The following PBK variants were observed in gnomAD, a reference collection of about 807,000 sequenced individuals.
PBK encodes lymphokine-activated killer T-cell-originated protein kinase.
In PBK, 22 loss-of-function variants were observed where a neutral mutation model predicts 33.5. That is an observed-to-expected ratio of 0.66 (90% CI 0.47 to 0.94). The LOEUF (loss-of-function observed/expected upper bound fraction) is 0.94. Ranked by LOEUF, PBK falls within the 40% of genes least tolerant of loss-of-function variation. The pLI, the probability that PBK is intolerant of heterozygous loss-of-function variation, is 0.00. For missense variants in PBK, 376 were observed against 383.4 expected (o/e 0.98, Z 0.16); for synonymous variants, 129 against 123.8 (o/e 1.04, Z -0.28).
At chr8:27,812,581 G>T (rs1042036894) in intron 6 of PBK, 7 of 150,184 alleles carry the variant, frequency 4.7e-5, no homozygotes, top group African/African-American at 1.7e-4. Flanking sequence ...TCTGACAAAG[G>T]GCTAATATCC....
chr8:27,815,092 TACTGAAAGAAATTTCTCCAGA>T (rs1805784758), intron 6 of PBK, among the ~76,000 whole-genome samples: 1 of 152,216 alleles, frequency 6.6e-6, no homozygotes, highest in South Asian at 2.1e-4. Flanking sequence ...TGGGGCTGTT[TACTGAAAGAAATTTCTCCAGA>T]ACTGAAGGAA....
rs763861092 is a variant in PBK, at chr8:27,820,693, T to C, written c.467A>G (p.Tyr156Cys). Residue 156 changes from tyrosine to cysteine, a missense_variant and splice_region_variant, in exon 6 of 8, where the codon TAT (tyrosine) becomes TGT (cysteine). By Grantham distance (194) the Tyr-to-Cys change is radical (BLOSUM62 -2). Transcript: ENST00000301905. ...AAGCAGTTTCTTTTCTTGGTGCAGATACTAAAATAGTAAAAAATTTAACAC... is the reference window on the plus strand; with the variant it reads ...AAGCAGTTTCTTTTCTTGGTGCAGACACTAAAATAGTAAAAAATTTAACAC... ...VALNMARGLK[Y>C]LHQEKKLLHG... The C allele has an allele frequency of 1.3e-6, 2 of 1,530,362 alleles. No individual in the cohort carries two copies. The highest frequency in any genetic ancestry group is 1.8e-6 in the Non-Finnish European group (2 of 1,127,854). The allele number at this position is 1,530,362 out of a possible 1,614,324, so 94.8% of individuals were successfully genotyped here.
Position 27,811,052 on chromosome 8 carries a change from G to A in PBK, c.678C>T (p.Asp226=), listed in dbSNP as rs369509839. 223 of 1,611,794 alleles carry A rather than the reference G, an allele frequency of 1.4e-4. No homozygotes were observed. Among genetic ancestry groups the A allele is most frequent in the Non-Finnish European group, 1.8e-4 (209 of 1,178,040 alleles). The change falls in exon 7 of 8, where the codon GAC becomes GAT. Residue 226 remains aspartate (D), a synonymous_variant. Coordinates refer to ENST00000301905, the MANE Select transcript of PBK (RefSeq NM_018492.4). ...EAVEENGVIT[D]KADIFAFGLT... ...GGCCAAAGGCAAATATGTCTGCCTT[G>A]TCAGTAATAACACCATTCTCCTCCA... is the stretch of plus-strand genomic sequence containing the variant.
intron 6 of PBK, among the ~76,000 whole-genome samples, chr8:27,814,904 T>C (rs1449465995): frequency 6.6e-6 from 1 of 152,192 alleles, no homozygotes; most frequent in African/African-American, 2.4e-5. Flanking sequence ...TTACTTCTGC[T>C]ATAACTAGGA....
Position 27,813,753 on chromosome 8 carries a change from G to A in PBK, c.596-2619C>T, listed in dbSNP as rs77472164. On this transcript the variant is annotated intron_variant, in intron 6 of 7. Coordinates refer to ENST00000301905, the MANE Select transcript of PBK (RefSeq NM_018492.4). ...CTGGTGACCTAACGTACAGCATAGT[G>A]AGGACATTGATTCTTGAATGTTACA... Among the ~76,000 whole-genome samples, 1,409 of 152,284 alleles carry A rather than the reference G, an allele frequency of 9.3e-3. 25 individuals are homozygous for A. Among genetic ancestry groups the A allele is most frequent in the African/African-American group, 0.032 (1,343 of 41,564 alleles).
intron 6 of PBK, among the ~76,000 whole-genome samples, chr8:27,816,343 C>CATATATATATATATATATATATA (rs1554559819): frequency 2.2e-5 from 3 of 136,324 alleles, no homozygotes; most frequent in African/African-American, 8.8e-5. Flanking sequence ...TCATCGAATA[C>CATATATATATATATATATATATA]TATATATATA....
At chr8:27,829,229 T>C (rs74494270) in intron 2 of PBK, among the ~76,000 whole-genome samples, 8,351 of 152,212 alleles carry the variant, frequency 0.055, 332 homozygotes, top group Middle Eastern at 0.14. Flanking sequence ...AGGAAAGCAA[T>C]TGGCTCAACA....
chr8:27,831,757 T>G (rs1026990292), intron 2 of PBK, among the ~76,000 whole-genome samples: 2 of 152,184 alleles, frequency 1.3e-5, no homozygotes. Flanking sequence ...CCAGTACATT[T>G]GAAAATTTAG....
In PBK at chr8:27,810,175, C is replaced by A; in HGVS notation, c.*130G>T. ...ATATTTCATATTAGAAATAGTTATC[C>A]ATATGTTAACAAGAAACTATGGTCC... On this transcript the variant is annotated 3_prime_UTR_variant, in exon 8 of 8. Coordinates refer to ENST00000301905, the MANE Select transcript of PBK (RefSeq NM_018492.4). 3.1e-6 allele frequency: 2 copies of A among 647,050 alleles called. No individual in the cohort carries two copies. Among genetic ancestry groups the A allele is most frequent in the Admixed American group, 3.0e-5 (1 of 33,722 alleles). The allele number at this position is 647,050 out of a possible 1,614,324, so 40.1% of individuals were successfully genotyped here.
At position 27,811,111 on chromosome 8, in the gene PBK, T is replaced by C. The variant is rs1319086598; in HGVS notation, c.619A>G (p.Ile207Val). ...MTVTDPEACY[I>V]GTEPWKPKEA... is the part of the protein sequence containing the mutation. The stretch of plus-strand genomic sequence containing the variant: ...TTGGGTTTCCATGGCTCTGTGCCAA[T>C]GTAACAAGCCTCAGGGTCAGTCACT... The change falls in exon 7 of 8, where the codon ATT becomes GTT. Residue 207 changes from isoleucine to valine, a missense_variant. Physicochemically the swap from Ile to Val is conservative, Grantham distance 29. Coordinates refer to ENST00000301905, the MANE Select transcript of PBK (RefSeq NM_018492.4). The C allele has an allele frequency of 3.7e-6, 6 of 1,613,786 alleles. No homozygotes were observed. Among genetic ancestry groups the C allele is most frequent in the Non-Finnish European group, 4.2e-6 (5 of 1,179,818 alleles).
At chr8:27,824,809 G>A (rs1311594439) in intron 3 of PBK, among the ~76,000 whole-genome samples, 3 of 152,074 alleles carry the variant, frequency 2.0e-5, no homozygotes, top group Non-Finnish European at 4.4e-5. Flanking sequence ...ACTTATATCA[G>A]ATGCAAAAAT....
chr8:27,831,827 A>C (rs1193913513), intron 2 of PBK, among the ~76,000 whole-genome samples: 1 of 152,178 alleles, frequency 6.6e-6, no homozygotes, highest in Non-Finnish European at 1.5e-5. Context: ...ATAAGAGATC[A>C]CTTGAATAGC....
chr8:27,829,846 G>A (rs541445537), intron 2 of PBK, among the ~76,000 whole-genome samples: 16 of 151,560 alleles, frequency 1.1e-4, no homozygotes, highest in Admixed American at 3.3e-4. Context: ...CAGCCTGGGC[G>A]ACAGGGCACA....
chr8:27,828,919 G>C (rs1806077987), intron 2 of PBK, among the ~76,000 whole-genome samples: 1 of 152,146 alleles, frequency 6.6e-6, no homozygotes, highest in South Asian at 2.1e-4. Flanking sequence ...GCAGAGCAGT[G>C]TTGTGATGCC....
chr8:27,835,286 G>T (rs1158439316), intron 1 of PBK, among the ~76,000 whole-genome samples: 5 of 152,132 alleles, frequency 3.3e-5, no homozygotes, highest in Non-Finnish European at 7.4e-5. Flanking sequence ...TACCTGTCCT[G>T]AGAACACCGA....
chr8:27,817,184 A>G (rs72609988), intron 6 of PBK, among the ~76,000 whole-genome samples: 23,928 of 152,052 alleles, frequency 0.16, 2,394 homozygotes, highest in East Asian at 0.37. Context: ...AAAAATATAT[A>G]TATATTTTTA....
At chr8:27,824,950 A>G (rs1805998212) in intron 3 of PBK, among the ~76,000 whole-genome samples, 1 of 152,252 alleles carries the variant, frequency 6.6e-6, no homozygotes, top group Non-Finnish European at 1.5e-5. Flanking sequence ...CTGGGTTAAA[A>G]TTGTAGCTTA....
chr8:27,810,023 C>T lies in PBK; in HGVS notation c.*282G>A, dbSNP rs1585417940. The T allele has an allele frequency of 5.8e-6, 2 of 343,740 alleles. No individual in the cohort carries two copies. Among genetic ancestry groups the T allele is most frequent in the East Asian group, 1.3e-4 (2 of 15,612 alleles). The allele number at this position is 343,740 out of a possible 1,614,324, so 21.3% of individuals were successfully genotyped here. On this transcript the variant is annotated 3_prime_UTR_variant, in exon 8 of 8. Transcript: ENST00000301905. The stretch of plus-strand genomic sequence containing the variant: ...GTAATGGTCATTCAATTTAATGTTA[C>T]AGTTTACAGCGTTTTACTGCTAGTG...
chr8:27,825,310 C>T (rs940083635), intron 3 of PBK, among the ~76,000 whole-genome samples: 22 of 152,134 alleles, frequency 1.4e-4, no homozygotes, highest in African/African-American at 3.4e-4. Context: ...TGGTGGCCCA[C>T]GCCTGTAGTC....
Sources: gnomAD v4.1 joint callset for allele counts (sites outside exome capture counted in the v4.1 genomes callset) on GRCh38, gnomAD v4.1.1 for gene constraint, MANE v1.5 for transcripts, NCBI Gene and HGNC (gene_info 2026-07-23, HGNC 2026-07-21) for gene names.